Variants in CELSR1 observed in about 807,000 individuals in gnomAD.
The protein encoded by CELSR1 is cadherin EGF LAG seven-pass G-type receptor 1.
In CELSR1, 110 loss-of-function variants were observed where a neutral mutation model predicts 249.1. The ratio of observed to expected loss-of-function variants is 0.44; its 90% CI spans 0.38 to 0.52. The LOEUF is 0.52. Among genes scored for constraint, CELSR1 ranks in the 20% least tolerant of loss-of-function variants. The pLI is 0.00. For missense variants in CELSR1, 4,109 were observed against 4,296.4 expected, an observed-to-expected ratio of 0.96 and a Z score of 1.22; for synonymous variants, 2,113 against 1,900.0, an observed-to-expected ratio of 1.11 and a Z score of -2.92.
intron 1 of CELSR1, among the ~76,000 whole-genome samples, chr22:46,509,551 T>C (rs1370048523): frequency 1.1e-4 from 2 of 18,884 alleles, no homozygotes; most frequent in East Asian, 5.5e-3. Flanking sequence ...TGGGTGCTAC[T>C]GGACCCCATT....
At chr22:46,460,211 A>ACCCACATC (rs200173937) in intron 2 of CELSR1, among the ~76,000 whole-genome samples, 1 of 148,870 alleles carries the variant, frequency 6.7e-6, no homozygotes, top group Non-Finnish European at 1.5e-5. Flanking sequence ...ACACACACAC[A>ACCCACATC]CACACCCATT....
rs548331480 is a variant in CELSR1, at chr22:46,448,755, G to A, written c.4184-9344C>T. ...CAATTTCAAAGTCAGGTCATATCAC[G>A]CAAATGCACAAAACCTGAAGTCAAC... On this transcript the variant is annotated intron_variant, in intron 2 of 34. Coordinates refer to ENST00000674500, the MANE Select transcript of CELSR1 (RefSeq NM_001378328.1). This position sits in a 1 kb window ranked among gnomAD's most constrained non-coding sequence, Gnocchi z 5.7. Among the ~76,000 whole-genome samples the A allele has an allele frequency of 1.6e-4, 24 of 152,238 alleles. No homozygotes were observed. Among genetic ancestry groups the A allele is most frequent in the East Asian group, 3.9e-4 (2 of 5,176 alleles).
At chr22:46,459,982 G>C (rs866116470) in intron 2 of CELSR1, among the ~76,000 whole-genome samples, 1 of 152,176 alleles carries the variant, frequency 6.6e-6, no homozygotes, top group East Asian at 1.9e-4. Context: ...CAAGGCAGGC[G>C]AATCACCTGA....
At chr22:46,449,923 C>T (rs1211941173) in intron 2 of CELSR1, among the ~76,000 whole-genome samples, 1 of 152,220 alleles carries the variant, frequency 6.6e-6, no homozygotes, top group East Asian at 1.9e-4. Flanking sequence ...ACATACATGG[C>T]TCACGTGCTC....
chr22:46,412,466 G>A lies in CELSR1; in HGVS notation c.4612-707C>T, dbSNP rs1290582306. Reference sequence around the variant, plus strand: ...GGAGTACAGACACCAGGAGGCCACTGCCCGGCCTGCAGACGGCCCCACATC... The same window carrying A: ...GGAGTACAGACACCAGGAGGCCACTACCCGGCCTGCAGACGGCCCCACATC... On this transcript the variant is annotated intron_variant, in intron 5 of 34. Transcript: ENST00000674500. The surrounding 1 kb of genome is among the most constrained non-coding windows in gnomAD (Gnocchi z 4.5). Among the ~76,000 whole-genome samples, 1 of 152,154 alleles carries A rather than the reference G, an allele frequency of 6.6e-6. No homozygotes were observed. Among genetic ancestry groups the A allele is most frequent in the African/African-American group, 2.4e-5 (1 of 41,434 alleles).
chr22:46,369,350 G>A, intron 26 of CELSR1, 92 bp from the exon 27 acceptor site: 1 of 1,131,712 alleles, frequency 8.8e-7, no homozygotes, highest in Admixed American at 1.9e-5. Context: ...CCCTGTCAGG[G>A]AGGGGTGGCT....
Position 46,377,261 on chromosome 22 carries a change from T to C in CELSR1, c.7384A>G (p.Asn2462Asp). Reference protein sequence around the residue: ...AVLMDISRRENGEVLPLKIVT... With the variant: ...AVLMDISRREDGEVLPLKIVT... ...ATCTTCAGAGGCAGGACCTCCCCGT[T>C]CTATGGGCAGGAGGGTTAAAGGCAG... Residue 2462 changes from asparagine to aspartate, a missense_variant and splice_region_variant, in exon 24 of 35, where the codon AAC becomes GAC. Asn to Asp is a conservative substitution (Grantham distance 23). This residue lies in a region of CELSR1 where 1,805 missense variants were observed against 1,831.6 expected (regional missense o/e 0.99). Transcript: ENST00000674500. 6.2e-7 allele frequency: 1 copy of C among 1,613,724 alleles called. No individual in the cohort carries two copies. The highest frequency in any genetic ancestry group is 2.2e-5 in the East Asian group (1 of 44,886).
rs1240562043 is a variant in CELSR1 at position 46,430,192 on chromosome 22, C to T, written c.4611+3201G>A. ...ACTCTGGAGGGCGGGGGACAGAGAA[C>T]GAGACTGAAGAGAGGAGGGTGGGCA... On this transcript the variant is annotated intron_variant, in intron 5 of 34. Transcript: ENST00000674500. The surrounding 1 kb of genome is among the most constrained non-coding windows in gnomAD (Gnocchi z 4.6). 6.6e-6 allele frequency among the ~76,000 whole-genome samples: 1 copy of T among 152,198 alleles called. No individual in the cohort carries two copies. Among genetic ancestry groups the T allele is most frequent in the Non-Finnish European group, 1.5e-5 (1 of 68,030 alleles).
In CELSR1 at chr22:46,436,268, G is replaced by T; in HGVS notation, c.4428C>A (p.Asn1476Lys). ...ISLTFATQERNGLLLYNGRFN... is the reference protein window; with the variant it reads ...ISLTFATQERKGLLLYNGRFN... ...AGCGGCCGTTGTAGAGAAGCAAGCC[G>T]TTCCTTTCCTGAGTGGCAAACCTGT... is the stretch of plus-strand genomic sequence containing the variant. The change falls in exon 4 of 35, where the codon AAC becomes AAA. Residue 1476 changes from asparagine to lysine, a missense_variant. This residue lies in a region of CELSR1 where 453 missense variants were observed against 492.0 expected (regional missense o/e 0.92). Coordinates refer to ENST00000674500, the MANE Select transcript of CELSR1 (RefSeq NM_001378328.1). This position sits in a 1 kb window ranked among gnomAD's most constrained non-coding sequence, Gnocchi z 5.9. The T allele has an allele frequency of 1.2e-6, 2 of 1,614,050 alleles. No homozygotes were observed. Among genetic ancestry groups the T allele is most frequent in the Non-Finnish European group, 1.7e-6 (2 of 1,179,964 alleles).
chr22:46,412,466 G>T lies in CELSR1; in HGVS notation c.4612-707C>A, dbSNP rs1290582306. 6.6e-6 allele frequency among the ~76,000 whole-genome samples: 1 copy of T among 152,154 alleles called. No individual in the cohort carries two copies. The highest frequency in any genetic ancestry group is 1.9e-4 in the East Asian group (1 of 5,180). ...GGAGTACAGACACCAGGAGGCCACTGCCCGGCCTGCAGACGGCCCCACATC... is the reference window on the plus strand; with the variant it reads ...GGAGTACAGACACCAGGAGGCCACTTCCCGGCCTGCAGACGGCCCCACATC... On this transcript the variant is annotated intron_variant, in intron 5 of 34. Transcript: ENST00000674500. The surrounding 1 kb of genome is among the most constrained non-coding windows in gnomAD (Gnocchi z 4.5).
At chr22:46,435,872 T>G (rs1436704806) in intron 4 of CELSR1, among the ~76,000 whole-genome samples, 1 of 152,040 alleles carries the variant, frequency 6.6e-6, no homozygotes, top group East Asian at 1.9e-4. Context: ...AGCTAATTTT[T>G]GTACTTTTAG....
rs111378189 is a variant in CELSR1, at chr22:46,532,206, C to T, written c.3544+1421G>A. Among the ~76,000 whole-genome samples, 1,342 of 152,318 alleles carry T rather than the reference C, an allele frequency of 8.8e-3. 16 individuals carry two copies. Among genetic ancestry groups the T allele is most frequent in the African/African-American group, 0.031 (1,277 of 41,560 alleles). On this transcript the variant is annotated intron_variant, in intron 1 of 34. Transcript: ENST00000674500. ...TCTAAACCCTATTATTGGGCCAAGTCATTTTTAAATAGGCCAAATTTCCCA... is the reference window on the plus strand; with the variant it reads ...TCTAAACCCTATTATTGGGCCAAGTTATTTTTAAATAGGCCAAATTTCCCA...
In CELSR1 at chr22:46,420,134, ACACT is replaced by A. The variant is rs1259543687; in HGVS notation, c.4612-8379_4612-8376del. Among the ~76,000 whole-genome samples, 3 of 147,730 alleles carry A rather than the reference ACACT, an allele frequency of 2.0e-5. No homozygotes were observed. In the East Asian group the frequency reaches 6.1e-4, roughly 30 times the overall value. ...CTCATCCACATTCACACTCACATATACACTCACCCACTCAAATGTGCCCTCACCC... is the reference window on the plus strand; with the variant it reads ...CTCATCCACATTCACACTCACATATACACCCACTCAAATGTGCCCTCACCC... On this transcript the variant is annotated intron_variant, in intron 5 of 34. Transcript: ENST00000674500.
Position 46,399,783 on chromosome 22 carries a change from C to T in CELSR1, c.5346G>A (p.Lys1782=). 6.2e-7 allele frequency: 1 copy of T among 1,614,110 alleles called. No individual in the cohort carries two copies. Among genetic ancestry groups the T allele is most frequent in the African/African-American group, 1.3e-5 (1 of 75,032 alleles). ...GEWHHLLIEL[K]NVKEDSEMKH... is the part of the protein sequence containing the mutation. ...TCATCTCACTGTCCTCCTTAACATT[C>T]TTCAGCTCGATCAGCAGGTGGTGCC... is the stretch of plus-strand genomic sequence containing the variant. The change falls in exon 10 of 35, where the codon AAG becomes AAA. Residue 1782 remains lysine (K), a synonymous_variant. Transcript: ENST00000674500. This position sits in a 1 kb window ranked among gnomAD's most constrained non-coding sequence, Gnocchi z 5.0.
chr22:46,386,371 G>A lies in CELSR1; in HGVS notation c.6739+31C>T, dbSNP rs948973959. On this transcript the variant is annotated intron_variant, in intron 19 of 34. Transcript: ENST00000674500. ...TGGGGCACACCCCTGATGGTAGCAG[G>A]GTTCCACCCCCAACGCAGCCAGCGC... The A allele has an allele frequency of 2.0e-6, 3 of 1,502,890 alleles. No individual in the cohort carries two copies. The Admixed American group carries it at 6.5e-5, about 32-fold the overall frequency. The allele number at this position is 1,502,890 out of a possible 1,614,324, so 93.1% of individuals were successfully genotyped here. A position where few individuals can be genotyped will look rare whatever the true frequency, so the allele number is the denominator to read the frequency against.
intron 5 of CELSR1, among the ~76,000 whole-genome samples, chr22:46,420,840 T>C (rs1471684553): frequency 6.6e-6 from 1 of 152,068 alleles, no homozygotes; most frequent in African/African-American, 2.4e-5. Flanking sequence ...GCTCAGTATC[T>C]GTGTGATAAG....
Position 46,391,780 on chromosome 22 carries a change from G to A in CELSR1, c.6001C>T (p.Leu2001=). The A allele has an allele frequency of 1.9e-6, 3 of 1,612,788 alleles. No homozygotes were observed. Among genetic ancestry groups the A allele is most frequent in the Non-Finnish European group, 2.5e-6 (3 of 1,179,824 alleles). ...YYKLLAQDTC[L]PCDCFPHGSH... ...CCATGGGGGAAGCAGTCGCAGGGCAGACAGGTGTCCTGGGCTAGGAGCTTG... is the reference window on the plus strand; with the variant it reads ...CCATGGGGGAAGCAGTCGCAGGGCAAACAGGTGTCCTGGGCTAGGAGCTTG... Residue 2001 remains leucine, a synonymous_variant, in exon 15 of 35, where the codon CTG becomes TTG. Coordinates refer to ENST00000674500, the MANE Select transcript of CELSR1 (RefSeq NM_001378328.1). The surrounding 1 kb of genome is among the most constrained non-coding windows in gnomAD (Gnocchi z 4.3).
intron 1 of CELSR1, among the ~76,000 whole-genome samples, chr22:46,505,311 C>T (rs1031739276): frequency 2.8e-5 from 4 of 142,740 alleles, no homozygotes; most frequent in East Asian, 2.2e-4. Context: ...TTTGCTAGAA[C>T]GCAAGGTCTG....
chr22:46,497,541 C>T (rs570878979), intron 1 of CELSR1, among the ~76,000 whole-genome samples: 1 of 152,188 alleles, frequency 6.6e-6, no homozygotes, highest in African/African-American at 2.4e-5. Flanking sequence ...TTCACACATT[C>T]TCTGTGCTCT....
Sources: gnomAD v4.1 joint callset for allele counts (sites outside exome capture counted in the v4.1 genomes callset) on GRCh38, gnomAD v4.1.1 for gene constraint, gnomAD v4.1.1 regional missense constraint, Gnocchi (gnomAD v3.1) non-coding constraint, MANE v1.5 for transcripts, NCBI Gene and HGNC (gene_info 2026-07-23, HGNC 2026-07-21) for gene names.